PEX3: variants seen among roughly 807,000 people sequenced by gnomAD.
PEX3 encodes peroxin-3.
Under a neutral mutation model 55.8 loss-of-function variants are expected in PEX3, and 30 were observed. That is an observed-to-expected ratio of 0.54 (90% CI 0.40 to 0.73). The LOEUF (loss-of-function observed/expected upper bound fraction) is 0.73. Among genes scored for constraint, PEX3 ranks in the 30% least tolerant of loss-of-function variants. The pLI is 0.00. For missense variants in PEX3, 351 were observed against 432.8 expected (o/e 0.81, Z 1.68); for synonymous variants, 135 against 148.4 (o/e 0.91, Z 0.66).
At position 143,451,826 on chromosome 6, in the gene PEX3, A is replaced by G. The variant is rs1206765781; in HGVS notation, c.73+711A>G. Among the ~76,000 whole-genome samples the G allele has an allele frequency of 2.0e-5, 3 of 152,232 alleles. No homozygotes were observed. Among genetic ancestry groups the G allele is most frequent in the Non-Finnish European group, 4.4e-5 (3 of 68,040 alleles). On this transcript the variant is annotated intron_variant, in intron 1 of 11. Transcript: ENST00000367591. This position sits in a 1 kb window ranked among gnomAD's most constrained non-coding sequence, Gnocchi z 4.1. ...AAACAGATAAGATAAAAATCTTGAG[A>G]CGCTTTTCCCTCATACAATGCTCAT...
chr6:143,462,149 T>A lies in PEX3; in HGVS notation c.206-767T>A, dbSNP rs1470453188. On this transcript the variant is annotated intron_variant, in intron 2 of 11. Coordinates refer to ENST00000367591, the MANE Select transcript of PEX3 (RefSeq NM_003630.3). The surrounding 1 kb of genome is among the most constrained non-coding windows in gnomAD (Gnocchi z 4.1). ...ATAAACTCCTAAAAATCACATGAAG[T>A]TTTTTTCCCATAGATTGCTAGTCTC... Among the ~76,000 whole-genome samples, 1 of 152,036 alleles carries A rather than the reference T, an allele frequency of 6.6e-6. No individual in the cohort carries two copies. The highest frequency in any genetic ancestry group is 2.4e-5 in the African/African-American group (1 of 41,342).
chr6:143,468,805 C>CT lies in PEX3; in HGVS notation c.331+640_331+641insT, dbSNP rs1562653831. Among the ~76,000 whole-genome samples, 15 of 13,198 alleles carry CT rather than the reference C, an allele frequency of 1.1e-3. 1 individual carries two copies. The highest frequency in any genetic ancestry group is 5.8e-3 in the African/African-American group (15 of 2,602). The allele number at this position is 13,198 out of a possible 152,430, so 8.7% of individuals were successfully genotyped here. A position where few individuals can be genotyped will look rare whatever the true frequency, so the allele number is the denominator to read the frequency against. On this transcript the variant is annotated intron_variant, in intron 4 of 11. Coordinates refer to ENST00000367591, the MANE Select transcript of PEX3 (RefSeq NM_003630.3). ...TAGGTATATCTCCTAATGCTATCCC[C>CT]CCCCCCCCCACCCCACGACAGGCCC...
In PEX3 at chr6:143,463,384, A is replaced by C. The variant is rs1437296484; in HGVS notation, c.287+387A>C. On this transcript the variant is annotated intron_variant, in intron 3 of 11. Transcript: ENST00000367591. This position sits in a 1 kb window ranked among gnomAD's most constrained non-coding sequence, Gnocchi z 5.7. The stretch of plus-strand genomic sequence containing the variant: ...TTACGGTGTAATACAGCATGTGAAC[A>C]TACGTTTTAAATAAATAAGATATAC... Among the ~76,000 whole-genome samples, 1 of 152,252 alleles carries C rather than the reference A, an allele frequency of 6.6e-6. No homozygotes were observed. The highest frequency in any genetic ancestry group is 1.5e-5 in the Non-Finnish European group (1 of 68,030).
chr6:143,470,074 C>T (rs7767009), intron 4 of PEX3, among the ~76,000 whole-genome samples: 619 of 152,176 alleles, frequency 4.1e-3, no homozygotes, highest in Middle Eastern at 0.014. Flanking sequence ...CTTAGCCTCC[C>T]GAGTAGCTGG....
chr6:143,462,800 C>T lies in PEX3; in HGVS notation c.206-116C>T, dbSNP rs1584005304. ...TTTGAATCGTCTAGCCCTGACTTTC[C>T]CTTCTGACTCTTGCTAGTTGCTAGC... On this transcript the variant is annotated intron_variant, in intron 2 of 11. Transcript: ENST00000367591. This position sits in a 1 kb window ranked among gnomAD's most constrained non-coding sequence, Gnocchi z 4.1. 1.3e-6 allele frequency: 1 copy of T among 755,568 alleles called. No homozygotes were observed. The highest frequency in any genetic ancestry group is 2.4e-6 in the Non-Finnish European group (1 of 414,948). The allele number at this position is 755,568 out of a possible 1,614,324, so 46.8% of individuals were successfully genotyped here.
At chr6:143,473,750 T>G (rs1295992089) in intron 8 of PEX3, among the ~76,000 whole-genome samples, 2 of 151,982 alleles carry the variant, frequency 1.3e-5, no homozygotes, top group African/African-American at 4.8e-5. Flanking sequence ...TGCATGGCTA[T>G]AGTCCCAGCT....
intron 10 of PEX3, among the ~76,000 whole-genome samples, chr6:143,481,887 G>A (rs2128747732): frequency 6.6e-6 from 1 of 151,946 alleles, no homozygotes; most frequent in East Asian, 1.9e-4. Context: ...AGGATTGCTT[G>A]AGCCCCAGAG....
rs1233912800 is a variant in PEX3, at chr6:143,462,825, C to T, written c.206-91C>T. 3 of 903,578 alleles carry T rather than the reference C, an allele frequency of 3.3e-6. No homozygotes were observed. Among genetic ancestry groups the T allele is most frequent in the Admixed American group, 3.5e-5 (2 of 57,462 alleles). The allele number at this position is 903,578 out of a possible 1,614,324, so 56.0% of individuals were successfully genotyped here. On this transcript the variant is annotated intron_variant, in intron 2 of 11. Transcript: ENST00000367591. This position sits in a 1 kb window ranked among gnomAD's most constrained non-coding sequence, Gnocchi z 4.1. ...CCTTCTGACTCTTGCTAGTTGCTAG[C>T]CCTATCATATAGCCTAAAACAATGC...
rs1314578618 is a variant in PEX3, at chr6:143,454,269, A to G, written c.73+3154A>G. On this transcript the variant is annotated intron_variant, in intron 1 of 11. Transcript: ENST00000367591. The surrounding 1 kb of genome is among the most constrained non-coding windows in gnomAD (Gnocchi z 4.3). ...ATGAGAGAATGAGAATGAAAAAGGCAAATAACATTTTAGTATTATTACGAA... is the reference window on the plus strand; with the variant it reads ...ATGAGAGAATGAGAATGAAAAAGGCGAATAACATTTTAGTATTATTACGAA... Among the ~76,000 whole-genome samples the G allele has an allele frequency of 6.6e-6, 1 of 152,218 alleles. No individual in the cohort carries two copies. Among genetic ancestry groups the G allele is most frequent in the African/African-American group, 2.4e-5 (1 of 41,458 alleles).
rs1350011004 is a variant in PEX3, at chr6:143,487,738, T to A, written c.1039-1405T>A. ...GCTGACTTGCTAGTATTTTTTTTTTTATCTACTGTAACTATTCTGAAAGCT... is the reference window on the plus strand; with the variant it reads ...GCTGACTTGCTAGTATTTTTTTTTTAATCTACTGTAACTATTCTGAAAGCT... On this transcript the variant is annotated intron_variant, in intron 11 of 11. Coordinates refer to ENST00000367591, the MANE Select transcript of PEX3 (RefSeq NM_003630.3). This position sits in a 1 kb window ranked among gnomAD's most constrained non-coding sequence, Gnocchi z 5.3. 6.6e-6 allele frequency among the ~76,000 whole-genome samples: 1 copy of A among 152,072 alleles called. No individual in the cohort carries two copies. The highest frequency in any genetic ancestry group is 2.4e-5 in the African/African-American group (1 of 41,434).
At position 143,462,753 on chromosome 6, in the gene PEX3, C is replaced by T. The variant is rs915635983; in HGVS notation, c.206-163C>T. ...GATAAATGATTTGTTAGGATATAATCGTTTTATAATAATAATAATAATTTG... is the reference window on the plus strand; with the variant it reads ...GATAAATGATTTGTTAGGATATAATTGTTTTATAATAATAATAATAATTTG... On this transcript the variant is annotated intron_variant, in intron 2 of 11. Transcript: ENST00000367591. The surrounding 1 kb of genome is among the most constrained non-coding windows in gnomAD (Gnocchi z 4.1). 5.3e-5 allele frequency among the ~76,000 whole-genome samples: 8 copies of T among 152,072 alleles called. No individual in the cohort carries two copies. Among genetic ancestry groups the T allele is most frequent in the Admixed American group, 3.3e-4 (5 of 15,258 alleles).
intron 9 of PEX3, among the ~76,000 whole-genome samples, 180 bp from the exon 10 acceptor site, chr6:143,478,896 G>A (rs1446526628): frequency 6.6e-6 from 1 of 152,018 alleles, no homozygotes; most frequent in African/African-American, 2.4e-5. Flanking sequence ...TTCTCATTAT[G>A]TTGTGCTAAA....
At position 143,486,549 on chromosome 6, in the gene PEX3, T is replaced by C. The variant is rs1438289488; in HGVS notation, c.1038+1301T>C. Reference sequence around the variant, plus strand: ...TAACTGGATGTATATTAAATGTATATACTAGACCATTGATTGACAAGGCTA... The same window carrying C: ...TAACTGGATGTATATTAAATGTATACACTAGACCATTGATTGACAAGGCTA... On this transcript the variant is annotated intron_variant, in intron 11 of 11. Coordinates refer to ENST00000367591, the MANE Select transcript of PEX3 (RefSeq NM_003630.3). The surrounding 1 kb of genome is among the most constrained non-coding windows in gnomAD (Gnocchi z 5.0). Among the ~76,000 whole-genome samples the C allele has an allele frequency of 6.6e-6, 1 of 152,172 alleles. No individual in the cohort carries two copies. The highest frequency in any genetic ancestry group is 2.1e-4 in the South Asian group (1 of 4,832).
Position 143,476,060 on chromosome 6 carries a change from T to TA in PEX3, c.818+1206dup. Among the ~76,000 whole-genome samples the TA allele has an allele frequency of 6.6e-6, 1 of 152,268 alleles. No individual in the cohort carries two copies. Among genetic ancestry groups the TA allele is most frequent in the Non-Finnish European group, 1.5e-5 (1 of 68,020 alleles). On this transcript the variant is annotated intron_variant, in intron 9 of 11. Transcript: ENST00000367591. The surrounding 1 kb of genome is among the most constrained non-coding windows in gnomAD (Gnocchi z 5.4). ...TTTGTTGATGAAACACAAAGCAGGG[T>TA]AAGGGGTTAGAGAGTGACCAGGGAT...
Position 143,471,368 on chromosome 6 carries a change from T to C in PEX3, c.457-15T>C, listed in dbSNP as rs376294031. The C allele has an allele frequency of 1.9e-6, 3 of 1,569,008 alleles. No homozygotes were observed. In the African/African-American group the frequency reaches 4.0e-5, roughly 21 times the overall value. ...TAAAACTTGGATAATTGAACTGTAT[T>C]TCTGTTTTATACAGACAATTCTTGC... is the stretch of plus-strand genomic sequence containing the variant. On this transcript the variant is annotated splice_polypyrimidine_tract_variant and intron_variant, in intron 5 of 11. Transcript: ENST00000367591. The surrounding 1 kb of genome is among the most constrained non-coding windows in gnomAD (Gnocchi z 5.4).
Position 143,485,311 on chromosome 6 carries a change from G to A in PEX3, c.1038+63G>A. ...TATATTTGTGGTGGTGGTCATGTTTGTCTAACATAAAGTTACATTCTCTGC... is the reference window on the plus strand; with the variant it reads ...TATATTTGTGGTGGTGGTCATGTTTATCTAACATAAAGTTACATTCTCTGC... On this transcript the variant is annotated intron_variant, in intron 11 of 11. Transcript: ENST00000367591. The surrounding 1 kb of genome is among the most constrained non-coding windows in gnomAD (Gnocchi z 5.6). The A allele has an allele frequency of 1.1e-6, 1 of 925,620 alleles. No homozygotes were observed. The highest frequency in any genetic ancestry group is 1.8e-6 in the Non-Finnish European group (1 of 553,648). 57.3% of individuals were successfully genotyped at this position (925,620 alleles called of 1,614,324 possible).
rs965515987 is a variant in PEX3 at position 143,479,031 on chromosome 6, C to G, written c.819-45C>G. The stretch of plus-strand genomic sequence containing the variant: ...GTTATTACTGAATTTGTTTTCTCTT[C>G]CATTCAGAGTCTAAAAAGTAACTTA... On this transcript the variant is annotated intron_variant, in intron 9 of 11. Coordinates refer to ENST00000367591, the MANE Select transcript of PEX3 (RefSeq NM_003630.3). The surrounding 1 kb of genome is among the most constrained non-coding windows in gnomAD (Gnocchi z 4.6). 1 of 1,262,872 alleles carries G rather than the reference C, an allele frequency of 7.9e-7. No individual in the cohort carries two copies. The highest frequency in any genetic ancestry group is 1.5e-5 in the African/African-American group (1 of 68,016). The allele number at this position is 1,262,872 out of a possible 1,614,324, so 78.2% of individuals were successfully genotyped here.
rs979211866 is a variant in PEX3, at chr6:143,490,178, C to A, written c.*952C>A. On this transcript the variant is annotated 3_prime_UTR_variant, in exon 12 of 12. Transcript: ENST00000367591. The surrounding 1 kb of genome is among the most constrained non-coding windows in gnomAD (Gnocchi z 6.0). ...TGTTCATTTAGTAAAAAGCAAATAG[C>A]TTTACTTTCTGAAAAAGAAATAATT... Among the ~76,000 whole-genome samples the A allele has an allele frequency of 6.6e-6, 1 of 152,090 alleles. No homozygotes were observed. The highest frequency in any genetic ancestry group is 2.4e-5 in the African/African-American group (1 of 41,402).
At position 143,451,512 on chromosome 6, in the gene PEX3, T is replaced by C. The variant is rs1014769108; in HGVS notation, c.73+397T>C. On this transcript the variant is annotated intron_variant, in intron 1 of 11. Transcript: ENST00000367591. This position sits in a 1 kb window ranked among gnomAD's most constrained non-coding sequence, Gnocchi z 4.1. ...CTTTGGCTCTCACCCTTCTCAGGAGTTTAATAATAATCTAGGGAAGTTACC... is the reference window on the plus strand; with the variant it reads ...CTTTGGCTCTCACCCTTCTCAGGAGCTTAATAATAATCTAGGGAAGTTACC... Among the ~76,000 whole-genome samples the C allele has an allele frequency of 1.3e-5, 2 of 152,092 alleles. No homozygotes were observed. Among genetic ancestry groups the C allele is most frequent in the African/African-American group, 4.8e-5 (2 of 41,398 alleles).
Sources: allele counts gnomAD v4.1 joint callset (sites outside exome capture counted in the v4.1 genomes callset), GRCh38; gene constraint gnomAD v4.1.1; non-coding constraint Gnocchi (gnomAD v3.1); transcripts MANE v1.5; gene names NCBI Gene and HGNC (gene_info 2026-07-23, HGNC 2026-07-21).